GRHL2: variants seen among roughly 807,000 people sequenced by gnomAD.
GRHL2 encodes the protein grainyhead like transcription factor 2, also known as grainyhead-like protein 2 homolog.
Under a neutral mutation model 83.8 loss-of-function variants are expected in GRHL2, and 21 were observed. That is an observed-to-expected ratio of 0.25 (90% CI 0.18 to 0.36). GRHL2 has a LOEUF of 0.36. Ranked by LOEUF, GRHL2 falls within the 10% of genes least tolerant of loss-of-function variation. The pLI, the probability that GRHL2 is intolerant of heterozygous loss-of-function variation, is 1.00. For missense variants in GRHL2, 623 were observed against 781.8 expected, an observed-to-expected ratio of 0.80 and a Z score of 2.42; for synonymous variants, 280 against 278.9, an observed-to-expected ratio of 1.00 and a Z score of -0.04.
In GRHL2 at chr8:101,572,058, T is replaced by C. The variant is rs904087090; in HGVS notation, c.735-1610T>C. Among the ~76,000 whole-genome samples the C allele has an allele frequency of 6.6e-5, 10 of 152,340 alleles. No homozygotes were observed. The East Asian group carries it at 1.9e-3, about 29-fold the overall frequency. On this transcript the variant is annotated intron_variant, in intron 5 of 15. Transcript: ENST00000646743. The stretch of plus-strand genomic sequence containing the variant: ...AATCTTGGGTTTTTATCCTGTGTTA[T>C]GGGCAGGCTTGATGGACACAAATCC...
At chr8:101,655,138 C>T (rs551100948) in intron 14 of GRHL2, among the ~76,000 whole-genome samples, 5 of 151,160 alleles carry the variant, frequency 3.3e-5, no homozygotes, top group African/African-American at 7.3e-5. Context: ...GCCAAGATTG[C>T]GCCATTGCAC....
At chr8:101,512,883 A>G (rs79193795) in intron 1 of GRHL2, among the ~76,000 whole-genome samples, 2,657 of 152,254 alleles carry the variant, frequency 0.017, 76 homozygotes, top group African/African-American at 0.06. Context: ...TTCGTAGGCT[A>G]AAGGTCTGAG....
chr8:101,572,243 T>C (rs555147305), intron 5 of GRHL2, among the ~76,000 whole-genome samples: 1 of 152,334 alleles, frequency 6.6e-6, no homozygotes, highest in East Asian at 1.9e-4. Context: ...TAAAATGTTA[T>C]GATTCAATGG....
intron 9 of GRHL2, among the ~76,000 whole-genome samples, chr8:101,629,681 T>TA (rs1442137830): frequency 6.6e-6 from 1 of 152,112 alleles, no homozygotes; most frequent in Non-Finnish European, 1.5e-5. Context: ...AAATGTTATA[T>TA]TGTACAGAGT....
intron 4 of GRHL2, 77 bp downstream of exon 4, chr8:101,558,889 G>A: frequency 6.7e-7 from 1 of 1,484,872 alleles, no homozygotes. Context: ...TCCTTTCAAA[G>A]TGTGATAAAT....
chr8:101,510,521 T>C (rs1395897777), intron 1 of GRHL2, among the ~76,000 whole-genome samples: 1 of 152,182 alleles, frequency 6.6e-6, no homozygotes, highest in Non-Finnish European at 1.5e-5. Context: ...TTTATATTCC[T>C]GAATTAAGGG....
chr8:101,543,465 C>G (rs765356115), intron 2 of GRHL2, 29 bp downstream of exon 2: 1 of 1,601,468 alleles, frequency 6.2e-7, no homozygotes, highest in South Asian at 1.1e-5. Flanking sequence ...CTTTTCTCTT[C>G]TTCCTGCTCC....
At chr8:101,524,081 A>G (rs947690864) in intron 1 of GRHL2, among the ~76,000 whole-genome samples, 2 of 152,192 alleles carry the variant, frequency 1.3e-5, no homozygotes, top group African/African-American at 4.8e-5. Context: ...GCACTGAAAA[A>G]TCACTGTTTT....
At chr8:101,604,266 C>T (rs764031933) in intron 8 of GRHL2, among the ~76,000 whole-genome samples, 12 of 152,218 alleles carry the variant, frequency 7.9e-5, no homozygotes, top group Middle Eastern at 3.4e-3. Flanking sequence ...GGAATTCCCA[C>T]GCAAGACCCT....
At chr8:101,545,807 T>C (rs2130130658) in intron 2 of GRHL2, among the ~76,000 whole-genome samples, 1 of 150,412 alleles carries the variant, frequency 6.6e-6, no homozygotes, top group Non-Finnish European at 1.5e-5. Flanking sequence ...TCAAAATCTA[T>C]AAATATATCT....
intron 7 of GRHL2, among the ~76,000 whole-genome samples, chr8:101,587,548 C>T (rs902500834): frequency 4.6e-5 from 7 of 152,254 alleles, no homozygotes; most frequent in South Asian, 2.1e-4. Context: ...TTCCCCTAAC[C>T]GGTGGGACTT....
intron 8 of GRHL2, among the ~76,000 whole-genome samples, chr8:101,614,180 T>C (rs1382740873): frequency 6.6e-6 from 1 of 151,084 alleles, no homozygotes. Context: ...CAAAGTCACT[T>C]GTCTTGGGTA....
At chr8:101,656,215 G>A (rs553315852) in intron 14 of GRHL2, among the ~76,000 whole-genome samples, 62 of 152,246 alleles carry the variant, frequency 4.1e-4, no homozygotes, top group Middle Eastern at 3.4e-3. Flanking sequence ...TTTCTTTTCC[G>A]TGGTGTATTC....
At chr8:101,592,224 C>T (rs1812302846) in intron 7 of GRHL2, among the ~76,000 whole-genome samples, 1 of 150,778 alleles carries the variant, frequency 6.6e-6, no homozygotes, top group Non-Finnish European at 1.5e-5. Flanking sequence ...CCTGCCTCAG[C>T]CTCCTGCATA....
At chr8:101,590,637 G>T (rs1050104508) in intron 7 of GRHL2, among the ~76,000 whole-genome samples, 8 of 152,146 alleles carry the variant, frequency 5.3e-5, no homozygotes, top group Non-Finnish European at 1.2e-4. Context: ...TGGGAAGAGG[G>T]ACGGAAAATT....
chr8:101,618,503 T>C (rs1325536493), intron 8 of GRHL2, among the ~76,000 whole-genome samples: 3 of 152,210 alleles, frequency 2.0e-5, no homozygotes, highest in African/African-American at 7.2e-5. Flanking sequence ...GAAGTATATT[T>C]GTATCTACAT....
At chr8:101,678,556 A>C in the GRHL2 span, among the ~76,000 whole-genome samples, 1 of 152,108 alleles carries the variant, frequency 6.6e-6, no homozygotes, top group African/African-American at 2.4e-5. Flanking sequence ...GCAGCCGGGA[A>C]GCTCGAACTG....
intron 8 of GRHL2, among the ~76,000 whole-genome samples, chr8:101,618,887 C>T (rs1232216477): frequency 2.0e-5 from 3 of 151,612 alleles, no homozygotes; most frequent in African/African-American, 7.3e-5. Context: ...ACTGGTATAA[C>T]TATTAGAAGT....
At position 101,599,442 on chromosome 8, in the gene GRHL2, A is replaced by G. The variant is rs1247475680; in HGVS notation, c.1098+291A>G. On this transcript the variant is annotated intron_variant, in intron 8 of 15. Transcript: ENST00000646743. ...AAAACCTTTTCCCTCTGCAGTGCAGATTCCCCCAAAGGCGTCTCTGTGCAG... is the reference window on the plus strand; with the variant it reads ...AAAACCTTTTCCCTCTGCAGTGCAGGTTCCCCCAAAGGCGTCTCTGTGCAG... 2.0e-5 allele frequency among the ~76,000 whole-genome samples: 3 copies of G among 152,260 alleles called. No individual in the cohort carries two copies. The East Asian group carries it at 5.8e-4, about 29-fold the overall frequency.
Sources: gnomAD v4.1 joint callset for allele counts (sites outside exome capture counted in the v4.1 genomes callset) on GRCh38, gnomAD v4.1.1 for gene constraint, MANE v1.5 for transcripts, NCBI Gene and HGNC (gene_info 2026-07-23, HGNC 2026-07-21) for gene names.